Variants in ABCC6 observed in about 807,000 individuals in gnomAD.
ABCC6 encodes ATP-binding cassette sub-family C member 6.
A neutral mutation model predicts 169.5 loss-of-function variants in ABCC6; 126 were observed. The ratio of observed to expected loss-of-function variants is 0.74; its 90% CI spans 0.64 to 0.86. ABCC6 has a LOEUF of 0.86. Among genes scored for constraint, ABCC6 ranks in the 40% least tolerant of loss-of-function variants. The pLI is 0.00. For missense variants in ABCC6, 1,733 were observed against 1,927.2 expected, an observed-to-expected ratio of 0.90 and a Z score of 1.89; for synonymous variants, 752 against 814.7, an observed-to-expected ratio of 0.92 and a Z score of 1.31.
intron 14 of ABCC6, among the ~76,000 whole-genome samples, chr16:16,186,531 A>G (rs1244252331): frequency 2.0e-5 from 3 of 151,528 alleles, no homozygotes; most frequent in African/African-American, 7.3e-5. Flanking sequence ...CAGCAGCAAT[A>G]GATTCTCAAA....
Position 16,150,775 on chromosome 16 carries a change from G to A in ABCC6, c.4209-3C>T, listed in dbSNP as rs1355332414. The stretch of plus-strand genomic sequence containing the variant: ...ACAGGAGCTGTTTCTGGCCCACGCT[G>A]GGAACGATTGGGACAATTAGCTGGG... On this transcript the variant is annotated splice_region_variant and splice_polypyrimidine_tract_variant and intron_variant, in intron 29 of 30. Coordinates refer to ENST00000205557, the MANE Select transcript of ABCC6 (RefSeq NM_001171.6). The A allele has an allele frequency of 3.1e-6, 5 of 1,613,028 alleles. No homozygotes were observed. Among genetic ancestry groups the A allele is most frequent in the Middle Eastern group, 3.3e-4 (2 of 6,082 alleles).
Position 16,150,609 on chromosome 16 carries a change from G to A in ABCC6, c.4372C>T (p.His1458Tyr). The A allele has an allele frequency of 6.2e-7, 1 of 1,612,642 alleles. No homozygotes were observed. The highest frequency in any genetic ancestry group is 8.5e-7 in the Non-Finnish European group (1 of 1,179,290). ...CAGTCCATCACGGAGCGCAGGCGGT[G>A]GGCAATGAGCAGCACAGTGCACTGT... is the stretch of plus-strand genomic sequence containing the variant. ...FAQCTVLLIA[H>Y]RLRSVMDCAR... Residue 1458 changes from histidine to tyrosine, a missense_variant, in exon 30 of 31, where the codon CAC becomes TAC. Around this residue, in one of 5 missense-constraint regions of ABCC6, gnomAD observed 1,601 missense variants for 1,635.5 expected, o/e 0.98. Transcript: ENST00000205557.
chr16:16,185,033 A>T lies in ABCC6; in HGVS notation c.1869T>A (p.Ala623=), dbSNP rs2047604206. The change falls in exon 15 of 31, where the codon GCT becomes GCA. Residue 623 remains alanine, a splice_region_variant and synonymous_variant. Coordinates refer to ENST00000205557, the MANE Select transcript of ABCC6 (RefSeq NM_001171.6). ...GTATGGTGATGCAATCCTTCCCGGCAGCTGCAGGGCACAAGAGGCCATTTA... is the reference window on the plus strand; with the variant it reads ...GTATGGTGATGCAATCCTTCCCGGCTGCTGCAGGGCACAAGAGGCCATTTA... ...GVVDSSSSGS[A]AGKDCITIHS... is the part of the protein sequence containing the mutation. The T allele has an allele frequency of 6.2e-7, 1 of 1,613,356 alleles. No homozygotes were observed. Among genetic ancestry groups the T allele is most frequent in the African/African-American group, 1.3e-5 (1 of 74,918 alleles).
Position 16,198,031 on chromosome 16 carries a change from T to G in ABCC6, c.1328A>C (p.Tyr443Ser), listed in dbSNP as rs142007498. The G allele has an allele frequency of 6.2e-7, 1 of 1,614,020 alleles. No homozygotes were observed. The highest frequency in any genetic ancestry group is 8.5e-7 in the Non-Finnish European group (1 of 1,179,992). The stretch of plus-strand genomic sequence containing the variant: ...CCTCCTCTGGCATACCTGCCAGAGA[T>G]AGACGAAGCAGACCACGATCCAGAC... Reference protein sequence around the residue: ...PLVWIVVCFVYLWQLLGPSAL... With the variant: ...PLVWIVVCFVSLWQLLGPSAL... Residue 443 changes from tyrosine to serine, a missense_variant, in exon 10 of 31, where the codon TAT becomes TCT. This residue lies in a region of ABCC6 where 1,601 missense variants were observed against 1,635.5 expected (regional missense o/e 0.98). Transcript: ENST00000205557.
chr16:16,177,678 C>T (rs1277862829), intron 18 of ABCC6, 52 bp from the exon 19 acceptor site: 2 of 1,605,174 alleles, frequency 1.2e-6, no homozygotes, highest in Non-Finnish European at 1.7e-6. Context: ...TGCAGTGGCT[C>T]ATGCCTGTAA....
chr16:16,165,905 C>G lies in ABCC6; in HGVS notation c.3024G>C (p.Ala1008=). The G allele has an allele frequency of 6.2e-7, 1 of 1,613,040 alleles. No homozygotes were observed. Among genetic ancestry groups the G allele is most frequent in the Non-Finnish European group, 8.5e-7 (1 of 1,180,000 alleles). Residue 1008 remains alanine, a synonymous_variant, in exon 23 of 31, where the codon GCG becomes GCC. Transcript: ENST00000205557. ...QAIGLFASMA[A]VLLGGARASR... ...ATGCCCGGGCCCCACCTAGGAGCAC[C>G]GCAGCCATGGAGGCAAACAGCCCAA...
At chr16:16,176,394 T>G (rs536157197) in intron 19 of ABCC6, among the ~76,000 whole-genome samples, 2 of 152,274 alleles carry the variant, frequency 1.3e-5, no homozygotes, top group African/African-American at 4.8e-5. Context: ...ATCCCCCAGG[T>G]GTGGCCAGTA....
At chr16:16,190,461 C>T in intron 11 of ABCC6, 94 bp from the exon 12 acceptor site, 2 of 1,400,654 alleles carry the variant, frequency 1.4e-6, no homozygotes, top group Non-Finnish European at 2.0e-6. Context: ...TCCCATTCAT[C>T]TCACCAAACT....
chr16:16,192,721 G>T, intron 11 of ABCC6, 109 bp downstream of exon 11: 1 of 1,032,438 alleles, frequency 9.7e-7, no homozygotes, highest in Non-Finnish European at 1.5e-6. Context: ...CAAGAACAAA[G>T]CCAGACCCGT....
chr16:16,152,160 T>A (rs1285457402), intron 29 of ABCC6, among the ~76,000 whole-genome samples: 1 of 119,506 alleles, frequency 8.4e-6, no homozygotes, highest in Non-Finnish European at 1.6e-5. Flanking sequence ...GCCACTGCAC[T>A]CCAGCCTGGG....
chr16:16,186,641 T>A (rs2047661588), intron 14 of ABCC6, among the ~76,000 whole-genome samples: 1 of 149,946 alleles, frequency 6.7e-6, no homozygotes, highest in Non-Finnish European at 1.5e-5. Flanking sequence ...ATCACCCGCT[T>A]TGGGGCCATC....
In ABCC6 at chr16:16,149,799, T is replaced by G. The variant is rs1315566943; in HGVS notation, c.*334A>C. On this transcript the variant is annotated 3_prime_UTR_variant, in exon 31 of 31. Coordinates refer to ENST00000205557, the MANE Select transcript of ABCC6 (RefSeq NM_001171.6). ...CATGGCAGTTCCCAGCCTCAGAGAT[T>G]CTGATTTAAGGGTCTAGCCGGGAGC... The G allele has an allele frequency of 1.3e-5, 6 of 455,222 alleles. No homozygotes were observed. Among genetic ancestry groups the G allele is most frequent in the Non-Finnish European group, 2.4e-5 (6 of 246,652 alleles). 28.2% of individuals were successfully genotyped at this position (455,222 alleles called of 1,614,324 possible). A position where few individuals can be genotyped will look rare whatever the true frequency, so the allele number is the denominator to read the frequency against.
chr16:16,177,388 C>T (rs888307257), intron 19 of ABCC6, 64 bp downstream of exon 19: 20 of 1,590,446 alleles, frequency 1.3e-5, no homozygotes, highest in East Asian at 6.7e-5. Flanking sequence ...TAGGACCCTT[C>T]GAGCCTTTTC....
chr16:16,163,049 G>A lies in ABCC6; in HGVS notation c.3450C>T (p.Asn1150=), dbSNP rs1184250713. The A allele has an allele frequency of 6.2e-7, 1 of 1,613,906 alleles. No homozygotes were observed. Among genetic ancestry groups the A allele is most frequent in the Non-Finnish European group, 8.5e-7 (1 of 1,180,052 alleles). The change falls in exon 24 of 31, where the codon AAC becomes AAT. Residue 1150 remains asparagine (N), a synonymous_variant. Transcript: ENST00000205557. ...TCTGGCTTTCATCTACGCGAGCATTGTTCTGAGCCACAAAGGGGGCCTGGG... is the reference window on the plus strand; with the variant it reads ...TCTGGCTTTCATCTACGCGAGCATTATTCTGAGCCACAAAGGGGGCCTGGG... The part of the protein sequence containing the change: ...FRTQAPFVAQ[N]NARVDESQRI...
chr16:16,176,599 A>G (rs2047285375), intron 19 of ABCC6, among the ~76,000 whole-genome samples: 1 of 152,252 alleles, frequency 6.6e-6, no homozygotes. Context: ...GGTTTTAACC[A>G]GGTTGGGCCA....
intron 17 of ABCC6, among the ~76,000 whole-genome samples, chr16:16,179,741 C>T (rs2152253977): frequency 6.6e-6 from 1 of 152,306 alleles, no homozygotes; most frequent in South Asian, 2.1e-4. Flanking sequence ...CAGGCACCCA[C>T]TACCACGCCT....
In ABCC6 at chr16:16,157,794, G is replaced by A. The variant is rs148326870; in HGVS notation, c.3751C>T (p.Pro1251Ser). The change falls in exon 27 of 31, where the codon CCC (proline) becomes TCC (serine). Residue 1251 changes from proline to serine, a missense_variant. Transcript: ENST00000205557. Reference sequence around the variant, plus strand: ...CAGGGGGGCTGAGCTGCACATGTGGGCAGCCTCCAGGGAGCCTGGAGCAGG... The same window carrying A: ...CAGGGGGGCTGAGCTGCACATGTGGACAGCCTCCAGGGAGCCTGGAGCAGG... The part of the protein sequence containing the change: ...WTPKEAPWRL[P>S]TCAAQPPWPQ... 3.2e-5 allele frequency: 51 copies of A among 1,611,960 alleles called. No individual in the cohort carries two copies. Among genetic ancestry groups the A allele is most frequent in the Non-Finnish European group, 4.1e-5 (48 of 1,179,914 alleles).
chr16:16,155,735 A>G (rs1269799631), intron 27 of ABCC6: 1 of 152,496 alleles, frequency 6.6e-6, no homozygotes, highest in Non-Finnish European at 1.5e-5. Context: ...TGGGTTCAAC[A>G]TTATTTGTTT....
rs57179857 is a variant in ABCC6 at position 16,165,865 on chromosome 16, G to C, written c.3064C>G (p.Gln1022Glu). 3.0e-4 allele frequency: 489 copies of C among 1,613,334 alleles called. 1 individual carries two copies. The African/African-American group carries it at 6.1e-3, about 20-fold the overall frequency. ...CGCACCACATCCCACAGGAGCCTCTGGAAGAGCAACCTGGATGCCCGGGCC... is the reference window on the plus strand; with the variant it reads ...CGCACCACATCCCACAGGAGCCTCTCGAAGAGCAACCTGGATGCCCGGGCC... ...GGARASRLLF[Q>E]RLLWDVVRSP... Residue 1022 changes from glutamine to glutamate, a missense_variant, in exon 23 of 31, where the codon CAG becomes GAG. Gln to Glu is a conservative substitution (Grantham distance 29). Around this residue, in one of 5 missense-constraint regions of ABCC6, gnomAD observed 1,601 missense variants for 1,635.5 expected, o/e 0.98. Coordinates refer to ENST00000205557, the MANE Select transcript of ABCC6 (RefSeq NM_001171.6).
Sources: allele counts gnomAD v4.1 joint callset (sites outside exome capture counted in the v4.1 genomes callset), GRCh38; gene constraint gnomAD v4.1.1; regional missense constraint gnomAD v4.1.1; transcripts MANE v1.5; gene names NCBI Gene and HGNC (gene_info 2026-07-23, HGNC 2026-07-21).